Variants in UGT1A8 observed in about 807,000 individuals in gnomAD.
UGT1A8 encodes UDP-glucuronosyltransferase 1A8.
A neutral mutation model predicts 45.3 loss-of-function variants in UGT1A8; 39 were observed. The observed-to-expected ratio is 0.86, with a 90% CI of 0.67 to 1.12. The LOEUF (loss-of-function observed/expected upper bound fraction) is 1.12, where lower values mean the gene tolerates loss of function less well. Ranked by LOEUF, UGT1A8 falls within the 50% of genes most tolerant of loss-of-function variation. The pLI is 0.00. For synonymous variants in UGT1A8, 275 were observed against 249.2 expected (o/e 1.10, Z -0.97); for missense variants, 719 against 664.9 (o/e 1.08, Z -0.90).
At chr2:233,624,543 A>G (rs1005748235) in intron 1 of UGT1A8, among the ~76,000 whole-genome samples, 2 of 152,074 alleles carry the variant, frequency 1.3e-5, no homozygotes, top group African/African-American at 2.4e-5. Flanking sequence ...CTGTGCATGT[A>G]TTTCTAGACT....
At chr2:233,716,488 C>G (rs371843932) in intron 1 of UGT1A8, among the ~76,000 whole-genome samples, 4 of 152,302 alleles carry the variant, frequency 2.6e-5, no homozygotes, top group African/African-American at 9.6e-5. Flanking sequence ...CCGTAGTCTT[C>G]TATTCTCCAG....
rs143192680 is a variant in UGT1A8, at chr2:233,767,666, C to G, written c.988-183C>G. 1.9e-3 allele frequency among the ~76,000 whole-genome samples: 295 copies of G among 152,308 alleles called. 3 individuals carry two copies. The highest frequency in any genetic ancestry group is 0.013 in the Admixed American group (199 of 15,308). On this transcript the variant is annotated intron_variant, in intron 2 of 4. Coordinates refer to ENST00000373450, the MANE Select transcript of UGT1A8 (RefSeq NM_019076.5). ...TCACGTAGTGCATACACCCTTGTAA[C>G]TAAACCTCCAAAACAAGATGCCGGA...
chr2:233,766,982 T>C (rs1699301954), intron 1 of UGT1A8, 52 bp from the exon 2 acceptor site: 9 of 1,612,798 alleles, frequency 5.6e-6, no homozygotes, highest in Non-Finnish European at 7.6e-6. Context: ...CTGTATGTAG[T>C]CATCAAAGAA....
intron 1 of UGT1A8, among the ~76,000 whole-genome samples, chr2:233,715,165 C>T (rs971455001): frequency 3.9e-5 from 6 of 152,048 alleles, no homozygotes; most frequent in East Asian, 1.9e-4. Flanking sequence ...GAATTACAGG[C>T]GCGAGCCACC....
At chr2:233,692,888 G>T in intron 1 of UGT1A8, 1 of 1,520,238 alleles carries the variant, frequency 6.6e-7, no homozygotes. Flanking sequence ...TCAGAGCAAG[G>T]GAGAGGTAGA....
chr2:233,728,343 G>A (rs1020257927), intron 1 of UGT1A8, among the ~76,000 whole-genome samples: 1 of 152,192 alleles, frequency 6.6e-6, no homozygotes, highest in African/African-American at 2.4e-5. Context: ...CAGTCCCTTG[G>A]TGAGCAGGAG....
At chr2:233,729,011 T>C (rs1409694285) in intron 1 of UGT1A8, 2 of 1,584,574 alleles carry the variant, frequency 1.3e-6, no homozygotes, top group African/African-American at 1.3e-5. Context: ...CACTCTGTCT[T>C]CCAATTACAC....
chr2:233,656,301 G>A (rs1358992984), intron 1 of UGT1A8, among the ~76,000 whole-genome samples: 2 of 152,182 alleles, frequency 1.3e-5, no homozygotes, highest in South Asian at 2.1e-4. Context: ...CACAGTCTCC[G>A]TAAACTGGCC....
At chr2:233,619,239 AT>A (rs757535188) in intron 1 of UGT1A8, among the ~76,000 whole-genome samples, 80 of 152,262 alleles carry the variant, frequency 5.3e-4, no homozygotes, top group Non-Finnish European at 8.4e-4. Flanking sequence ...TAAATTGTAG[AT>A]TCCTTTATAC....
chr2:233,675,824 C>A (rs1357626629), intron 1 of UGT1A8, among the ~76,000 whole-genome samples: 2 of 151,922 alleles, frequency 1.3e-5, no homozygotes, highest in Non-Finnish European at 2.9e-5. Flanking sequence ...CATGTCATTC[C>A]ATCACTGAAC....
intron 1 of UGT1A8, among the ~76,000 whole-genome samples, chr2:233,643,579 G>A (rs1307168695): frequency 6.6e-6 from 1 of 152,016 alleles, no homozygotes; most frequent in Non-Finnish European, 1.5e-5. Flanking sequence ...ATAAGGCAAA[G>A]TCCCCTTTAC....
At chr2:233,746,859 G>T (rs1300459019) in intron 1 of UGT1A8, among the ~76,000 whole-genome samples, 1 of 151,794 alleles carries the variant, frequency 6.6e-6, no homozygotes, top group South Asian at 2.1e-4. Context: ...CTCAGCTGCA[G>T]CCTGATAAAC....
At chr2:233,731,273 A>G (rs1323685253) in intron 1 of UGT1A8, among the ~76,000 whole-genome samples, 1 of 147,192 alleles carries the variant, frequency 6.8e-6, no homozygotes. Flanking sequence ...TTGCCCTTCC[A>G]GTTTTTCTTT....
intron 1 of UGT1A8, among the ~76,000 whole-genome samples, chr2:233,649,966 T>A (rs2073698591): frequency 6.6e-6 from 1 of 152,066 alleles, no homozygotes; most frequent in Admixed American, 6.6e-5. Flanking sequence ...ACTTCAAGGT[T>A]TTTTGTTTGT....
At chr2:233,640,488 C>T (rs1480423190) in intron 1 of UGT1A8, among the ~76,000 whole-genome samples, 1 of 152,132 alleles carries the variant, frequency 6.6e-6, no homozygotes, top group African/African-American at 2.4e-5. Context: ...ATTTCTAGCC[C>T]ATAATTAATT....
chr2:233,691,972 G>T lies in UGT1A8; in HGVS notation c.855+73410G>T, dbSNP rs1349071943. 5 of 152,224 alleles carry T rather than the reference G, an allele frequency of 3.3e-5. No homozygotes were observed. The East Asian group carries it at 9.6e-4, about 29-fold the overall frequency. 9.4% of individuals were successfully genotyped at this position (152,224 alleles called of 1,614,324 possible). A position where few individuals can be genotyped will look rare whatever the true frequency, so the allele number is the denominator to read the frequency against. On this transcript the variant is annotated intron_variant, in intron 1 of 4. Coordinates refer to ENST00000373450, the MANE Select transcript of UGT1A8 (RefSeq NM_019076.5). ...TTGTTATTCAAAACAGATCCCTTTC[G>T]ATCACACCTAAGTTTATGTAAAGGA...
At chr2:233,767,542 T>C (rs1158948915) in intron 2 of UGT1A8, among the ~76,000 whole-genome samples, 1 of 152,274 alleles carries the variant, frequency 6.6e-6, no homozygotes, top group African/African-American at 2.4e-5. Context: ...TTTCTGCTCT[T>C]ATAGTTCTGC....
chr2:233,769,450 T>A lies in UGT1A8; in HGVS notation c.1295+1011T>A. On this transcript the variant is annotated intron_variant, in intron 4 of 4. Coordinates refer to ENST00000373450, the MANE Select transcript of UGT1A8 (RefSeq NM_019076.5). The surrounding 1 kb of genome is among the most constrained non-coding windows in gnomAD (Gnocchi z 4.4). Reference sequence around the variant, plus strand: ...CTGTGCTCATGTGTGGGTGCACACGTGTGCATTCATATGCGTGTGTGTGTG... The same window carrying A: ...CTGTGCTCATGTGTGGGTGCACACGAGTGCATTCATATGCGTGTGTGTGTG... The A allele has an allele frequency of 1.3e-6, 2 of 1,587,838 alleles. No individual in the cohort carries two copies. The highest frequency in any genetic ancestry group is 1.7e-6 in the Non-Finnish European group (2 of 1,158,796).
In UGT1A8 at chr2:233,714,784, C is replaced by T. The variant is rs564838268; in HGVS notation, c.856-52250C>T. Among the ~76,000 whole-genome samples, 4 of 152,314 alleles carry T rather than the reference C, an allele frequency of 2.6e-5. No individual in the cohort carries two copies. The East Asian group carries it at 7.7e-4, about 29-fold the overall frequency. ...AGTATATCTCAATTTGGAATAGCCA[C>T]ATTTCAAGTGCTCAATATTCATATG... is the stretch of plus-strand genomic sequence containing the variant. On this transcript the variant is annotated intron_variant, in intron 1 of 4. Coordinates refer to ENST00000373450, the MANE Select transcript of UGT1A8 (RefSeq NM_019076.5).
Sources: allele counts gnomAD v4.1 joint callset (sites outside exome capture counted in the v4.1 genomes callset), GRCh38; gene constraint gnomAD v4.1.1; non-coding constraint Gnocchi (gnomAD v3.1); transcripts MANE v1.5; gene names NCBI Gene and HGNC (gene_info 2026-07-23, HGNC 2026-07-21).